The following GOLIM4 variants were observed in gnomAD, a reference collection of about 807,000 sequenced individuals.
GOLIM4 encodes the protein 130 kDa golgi-localized phosphoprotein.
Under a neutral mutation model 107.4 loss-of-function variants are expected in GOLIM4, and 71 were observed. The observed-to-expected ratio is 0.66, with a 90% confidence interval of 0.55 to 0.81. The LOEUF (loss-of-function observed/expected upper bound fraction) is 0.81, where lower values mean the gene tolerates loss of function less well. Among genes scored for constraint, GOLIM4 ranks in the 30% least tolerant of loss-of-function variants. The pLI is 0.00. For missense variants in GOLIM4, 830 were observed against 826.1 expected, an observed-to-expected ratio of 1.00 and a Z score of -0.06; for synonymous variants, 327 against 294.8, an observed-to-expected ratio of 1.11 and a Z score of -1.12.
intron 1 of GOLIM4, among the ~76,000 whole-genome samples, chr3:168,093,207 T>G (rs1352094650): frequency 6.6e-6 from 1 of 152,212 alleles, no homozygotes; most frequent in East Asian, 1.9e-4. Flanking sequence ...CCATCGTCCA[T>G]CATAGGCCGT....
chr3:168,042,147 A>T (rs1306224363), intron 5 of GOLIM4, among the ~76,000 whole-genome samples: 8 of 152,174 alleles, frequency 5.3e-5, no homozygotes, highest in Admixed American at 5.2e-4. Context: ...ACAGTGAACT[A>T]GACTACAAAC....
chr3:168,087,580 T>G (rs1027537994), intron 1 of GOLIM4, among the ~76,000 whole-genome samples: 1 of 152,196 alleles, frequency 6.6e-6, no homozygotes, highest in Non-Finnish European at 1.5e-5. Flanking sequence ...CATCAAATAG[T>G]ACACCCGTTA....
Position 168,024,654 on chromosome 3 carries a change from T to C in GOLIM4, c.1792-60A>G, listed in dbSNP as rs988168562. The C allele has an allele frequency of 3.8e-6, 5 of 1,328,886 alleles. No homozygotes were observed. In the Admixed American group the frequency reaches 6.8e-5, roughly 18 times the overall value. 82.3% of individuals were successfully genotyped at this position (1,328,886 alleles called of 1,614,324 possible). A position where few individuals can be genotyped will look rare whatever the true frequency, so the allele number is the denominator to read the frequency against. ...TACATCAGAGATGCCTTTTACACAG[T>C]ACTCTGGGACAAAGAACAAGCATGC... is the stretch of plus-strand genomic sequence containing the variant. On this transcript the variant is annotated intron_variant, in intron 13 of 15. Transcript: ENST00000470487.
At chr3:168,051,372 T>C (rs915552381) in intron 1 of GOLIM4, among the ~76,000 whole-genome samples, 1 of 152,174 alleles carries the variant, frequency 6.6e-6, no homozygotes, top group Non-Finnish European at 1.5e-5. Flanking sequence ...AAATGGAAAT[T>C]TACATATTTG....
chr3:168,024,731 A>G (rs1486155061), intron 13 of GOLIM4, 137 bp from the exon 14 acceptor site: 2 of 842,746 alleles, frequency 2.4e-6, no homozygotes, highest in African/African-American at 1.7e-5. Context: ...ATGATGAGTA[A>G]TCATTCCCAA....
At chr3:168,093,569 C>G (rs930550942) in intron 1 of GOLIM4, among the ~76,000 whole-genome samples, 1 of 152,152 alleles carries the variant, frequency 6.6e-6, no homozygotes, top group Non-Finnish European at 1.5e-5. Context: ...AAATTTTTCC[C>G]TTGGTCTGAC....
chr3:168,040,538 T>C (rs1718923838), intron 7 of GOLIM4, among the ~76,000 whole-genome samples: 1 of 152,252 alleles, frequency 6.6e-6, no homozygotes, highest in Non-Finnish European at 1.5e-5. Context: ...AGTATTAGAC[T>C]ACTGCATGTA....
intron 1 of GOLIM4, among the ~76,000 whole-genome samples, chr3:168,074,555 G>A (rs1470026704): frequency 2.6e-5 from 4 of 152,142 alleles, no homozygotes; most frequent in Non-Finnish European, 4.4e-5. Context: ...GTATAACAAA[G>A]TAGTAAGAGA....
intron 1 of GOLIM4, among the ~76,000 whole-genome samples, chr3:168,087,209 C>G (rs1721673492): frequency 6.6e-6 from 1 of 152,084 alleles, no homozygotes; most frequent in South Asian, 2.1e-4. Flanking sequence ...TTTTACACCA[C>G]TACTTTATAA....
chr3:168,023,385 T>C (rs1717819806), intron 14 of GOLIM4, among the ~76,000 whole-genome samples: 1 of 152,232 alleles, frequency 6.6e-6, no homozygotes, highest in South Asian at 2.1e-4. Context: ...AAAGTGCATG[T>C]TATTAGAAAT....
chr3:168,026,857 C>T (rs868647540), intron 12 of GOLIM4, among the ~76,000 whole-genome samples: 3 of 152,202 alleles, frequency 2.0e-5, no homozygotes, highest in Non-Finnish European at 4.4e-5. Flanking sequence ...AGCAAAAGGG[C>T]TTTAAGTAGC....
intron 13 of GOLIM4, 112 bp from the exon 14 acceptor site, chr3:168,024,706 G>A (rs926682242): frequency 4.6e-5 from 43 of 937,652 alleles, no homozygotes; most frequent in African/African-American, 9.7e-5. Flanking sequence ...CTTTCAAAGC[G>A]TCTGTGGCCA....
intron 1 of GOLIM4, among the ~76,000 whole-genome samples, chr3:168,057,449 A>T (rs1720042088): frequency 6.6e-6 from 1 of 152,178 alleles, no homozygotes; most frequent in African/African-American, 2.4e-5. Context: ...ATGGCTAGGG[A>T]GGCCTCAGGA....
intron 1 of GOLIM4, among the ~76,000 whole-genome samples, chr3:168,080,480 C>T (rs1327900892): frequency 2.0e-5 from 3 of 152,160 alleles, no homozygotes; most frequent in African/African-American, 4.8e-5. Flanking sequence ...CTGGGAGCCA[C>T]ATTTCTACAC....
chr3:168,024,962 T>C lies in GOLIM4; in HGVS notation c.1757A>G (p.Lys586Arg), dbSNP rs1287937788. 1 of 1,614,154 alleles carries C rather than the reference T, an allele frequency of 6.2e-7. No homozygotes were observed. The highest frequency in any genetic ancestry group is 8.5e-7 in the Non-Finnish European group (1 of 1,179,998). The change falls in exon 13 of 16, where the codon AAG becomes AGG. Residue 586 changes from lysine to arginine, a missense_variant. Transcript: ENST00000470487. ...ENEEQKQSNQ[K>R]QENTEVEEHL... ...TTCCTCCACTTCTGTATTCTCTTGC[T>C]TTTGATTACTTTGTTTTTGCTCTTC... is the stretch of plus-strand genomic sequence containing the variant.
intron 1 of GOLIM4, among the ~76,000 whole-genome samples, chr3:168,060,885 G>A (rs1031085480): frequency 1.3e-5 from 2 of 152,142 alleles, no homozygotes; most frequent in African/African-American, 4.8e-5. Flanking sequence ...AGGGAAGAAT[G>A]AATGAGATAG....
At chr3:168,050,081 C>G (rs1457033956) in intron 1 of GOLIM4, among the ~76,000 whole-genome samples, 1 of 152,098 alleles carries the variant, frequency 6.6e-6, no homozygotes, top group East Asian at 1.9e-4. Flanking sequence ...CTGCCCCATC[C>G]CCTTCCTCTA....
intron 3 of GOLIM4, 117 bp downstream of exon 3, chr3:168,046,829 AGTCC>A: frequency 2.1e-6 from 1 of 469,432 alleles, no homozygotes; most frequent in Non-Finnish European, 3.8e-6. Context: ...AGGGGGTGTC[AGTCC>A]TATAATCCCA....
intron 5 of GOLIM4, among the ~76,000 whole-genome samples, chr3:168,041,889 T>A (rs997339750): frequency 9.2e-5 from 14 of 151,966 alleles, no homozygotes; most frequent in African/African-American, 2.9e-4. Context: ...TTTAAAATTT[T>A]AAAAATATAT....
Sources: allele counts gnomAD v4.1 joint callset (sites outside exome capture counted in the v4.1 genomes callset), GRCh38; gene constraint gnomAD v4.1.1; transcripts MANE v1.5; gene names NCBI Gene and HGNC (gene_info 2026-07-23, HGNC 2026-07-21).